CTNND2: variants seen among roughly 807,000 people sequenced by gnomAD.
CTNND2 encodes catenin delta-2.
In CTNND2, 22 loss-of-function variants were observed where a neutral mutation model predicts 144.4. The observed-to-expected ratio is 0.15, with a 90% CI of 0.11 to 0.22. The LOEUF is 0.22. CTNND2 is among the 10% of genes least tolerant of loss of function. The probability of loss-of-function intolerance (pLI) is 1.00; values close to 1 mark genes in which losing one functional copy is unlikely to be tolerated. For missense variants in CTNND2, 1,353 were observed against 1,618.8 expected, an observed-to-expected ratio of 0.84 and a Z score of 2.82; for synonymous variants, 751 against 695.6, an observed-to-expected ratio of 1.08 and a Z score of -1.25.
intron 11 of CTNND2, among the ~76,000 whole-genome samples, chr5:11,198,271 A>T: frequency 6.6e-6 from 1 of 152,228 alleles, no homozygotes; most frequent in East Asian, 1.9e-4. Context: ...TAGCACGGCA[A>T]TTTTAACAAT....
intron 12 of CTNND2, among the ~76,000 whole-genome samples, chr5:11,140,029 G>T (rs190879449): frequency 6.6e-6 from 1 of 152,244 alleles, no homozygotes; most frequent in Admixed American, 6.5e-5. Context: ...AGGGATCCAC[G>T]CAAATAATCC....
intron 3 of CTNND2, among the ~76,000 whole-genome samples, chr5:11,561,108 G>A (rs1776649921): frequency 6.6e-6 from 1 of 152,192 alleles, no homozygotes; most frequent in Non-Finnish European, 1.5e-5. Flanking sequence ...TGGGCCTTGG[G>A]CTGAGCATGA....
intron 11 of CTNND2, among the ~76,000 whole-genome samples, chr5:11,192,289 C>T (rs1371143900): frequency 6.6e-6 from 1 of 152,202 alleles, no homozygotes; most frequent in African/African-American, 2.4e-5. Flanking sequence ...CTCAAAGCCA[C>T]ACAACACCAG....
At chr5:11,611,284 C>G (rs1254570061) in intron 2 of CTNND2, among the ~76,000 whole-genome samples, 1 of 152,156 alleles carries the variant, frequency 6.6e-6, no homozygotes, top group Non-Finnish European at 1.5e-5. Flanking sequence ...AACCTCTTTC[C>G]TTTATAAATT....
At chr5:11,282,839 C>G (rs985598787) in intron 9 of CTNND2, among the ~76,000 whole-genome samples, 6 of 152,158 alleles carry the variant, frequency 3.9e-5, no homozygotes, top group Non-Finnish European at 7.3e-5. Context: ...TAACTAACAA[C>G]AAGTAATGCC....
chr5:11,071,222 C>T (rs938434753), intron 16 of CTNND2, among the ~76,000 whole-genome samples: 8 of 152,052 alleles, frequency 5.3e-5, no homozygotes, highest in African/African-American at 1.7e-4. Context: ...CTCTTGGGGG[C>T]CTCAATAAAA....
chr5:11,029,017 C>CT (rs1743169855), intron 16 of CTNND2, among the ~76,000 whole-genome samples: 1 of 152,240 alleles, frequency 6.6e-6, no homozygotes, highest in South Asian at 2.1e-4. Flanking sequence ...ACAGAACTTT[C>CT]TTTTCAAGAC....
At chr5:11,701,702 T>A (rs905667146) in intron 2 of CTNND2, among the ~76,000 whole-genome samples, 2 of 4,174 alleles carry the variant, frequency 4.8e-4, no homozygotes, top group Admixed American at 4.2e-3. Flanking sequence ...GGAATACTCC[T>A]TAATATAAGC....
intron 2 of CTNND2, among the ~76,000 whole-genome samples, chr5:11,693,687 T>G (rs1479441917): frequency 6.6e-6 from 1 of 152,234 alleles, no homozygotes; most frequent in Non-Finnish European, 1.5e-5. Context: ...ATTTGGAGAA[T>G]GAGAGAACTA....
At chr5:11,445,473 C>G (rs1419077837) in intron 3 of CTNND2, among the ~76,000 whole-genome samples, 2 of 152,180 alleles carry the variant, frequency 1.3e-5, no homozygotes, top group African/African-American at 4.8e-5. Context: ...GTCCCCTTCT[C>G]CTGCAACTGT....
chr5:11,282,341 T>C (rs439893), intron 9 of CTNND2, among the ~76,000 whole-genome samples: 52,692 of 152,044 alleles, frequency 0.35, 9,204 homozygotes, highest in Middle Eastern at 0.44. Context: ...CCAGAGAAGA[T>C]GTACTCAACA....
chr5:11,034,234 T>TATA (rs1743820419), intron 16 of CTNND2, among the ~76,000 whole-genome samples: 1 of 152,244 alleles, frequency 6.6e-6, no homozygotes, highest in South Asian at 2.1e-4. Context: ...CAATTTTTAA[T>TATA]AATACGAATT....
intron 12 of CTNND2, among the ~76,000 whole-genome samples, chr5:11,129,192 T>TA (rs1222402579): frequency 8.5e-5 from 4 of 47,316 alleles, no homozygotes; most frequent in South Asian, 6.6e-4. Context: ...ATATAATATA[T>TA]AATATATATT....
At chr5:11,431,890 G>T (rs1763321137) in intron 3 of CTNND2, among the ~76,000 whole-genome samples, 1 of 152,086 alleles carries the variant, frequency 6.6e-6, no homozygotes, top group Non-Finnish European at 1.5e-5. Context: ...AACACGCACA[G>T]CACGGAAGCA....
intron 2 of CTNND2, among the ~76,000 whole-genome samples, chr5:11,722,471 T>A (rs1290585554): frequency 1.3e-5 from 2 of 152,244 alleles, no homozygotes; most frequent in African/African-American, 4.8e-5. Flanking sequence ...ACTACTCATA[T>A]ACAACACTGT....
chr5:11,142,863 C>T (rs1458151874), intron 12 of CTNND2, among the ~76,000 whole-genome samples: 4 of 152,074 alleles, frequency 2.6e-5, no homozygotes, highest in South Asian at 2.1e-4. Context: ...CCGCCCGTCT[C>T]GGCCTCCCAA....
intron 2 of CTNND2, among the ~76,000 whole-genome samples, chr5:11,713,512 G>A (rs1415689933): frequency 6.8e-6 from 1 of 147,012 alleles, no homozygotes; most frequent in Non-Finnish European, 1.5e-5. Context: ...CCAGGAGGCA[G>A]AGGCTGCAGT....
chr5:11,235,830 A>G (rs1268389028), intron 10 of CTNND2, among the ~76,000 whole-genome samples: 1 of 152,220 alleles, frequency 6.6e-6, no homozygotes, highest in Non-Finnish European at 1.5e-5. Flanking sequence ...GTATATCCCA[A>G]TGCAAGCAAG....
chr5:11,342,247 T>C lies in CTNND2; in HGVS notation c.1628+4125A>G, dbSNP rs940588663. ...ATAAAGTGTCCAACAATAAGATAAATGTTGTTACTATTTCGAAACAGCACA... is the reference window on the plus strand; with the variant it reads ...ATAAAGTGTCCAACAATAAGATAAACGTTGTTACTATTTCGAAACAGCACA... On this transcript the variant is annotated intron_variant, in intron 9 of 21. Coordinates refer to ENST00000304623, the MANE Select transcript of CTNND2 (RefSeq NM_001332.4). 2.6e-5 allele frequency among the ~76,000 whole-genome samples: 4 copies of C among 151,620 alleles called. No individual in the cohort carries two copies. In the East Asian group the frequency reaches 5.9e-4, roughly 23 times the overall value.
Sources: gnomAD v4.1 joint callset for allele counts (sites outside exome capture counted in the v4.1 genomes callset) on GRCh38, gnomAD v4.1.1 for gene constraint, MANE v1.5 for transcripts, NCBI Gene and HGNC (gene_info 2026-07-23, HGNC 2026-07-21) for gene names.